The following HERC4 variants were observed in gnomAD, a reference collection of about 807,000 sequenced individuals.
HERC4 encodes the protein probable E3 ubiquitin-protein ligase HERC4.
A neutral mutation model predicts 124.3 loss-of-function variants in HERC4; 28 were observed. The ratio of observed to expected loss-of-function variants is 0.23; its 90% CI spans 0.17 to 0.31. The LOEUF is 0.31. Ranked by LOEUF, HERC4 falls within the 10% of genes least tolerant of loss-of-function variation. HERC4 has a pLI of 1.00. For missense variants in HERC4, 713 were observed against 1,229.3 expected (o/e 0.58, Z 6.28); for synonymous variants, 407 against 421.5 (o/e 0.97, Z 0.42).
Position 67,932,865 on chromosome 10 carries a change from CCTA to C in HERC4, c.2655-88_2655-86del, listed in dbSNP as rs2031972973. 6 of 1,185,040 alleles carry C rather than the reference CCTA, an allele frequency of 5.1e-6. No individual in the cohort carries two copies. The South Asian group carries it at 8.8e-5, about 17-fold the overall frequency. 73.4% of individuals were successfully genotyped at this position (1,185,040 alleles called of 1,614,324 possible). A position where few individuals can be genotyped will look rare whatever the true frequency, so the allele number is the denominator to read the frequency against. ...TGTAGTCATTAAAACTTCAAGTGCT[CCTA>C]CAATTTCTGCTACATATCTACGAAA... On this transcript the variant is annotated intron_variant, in intron 22 of 24. Transcript: ENST00000373700.
At chr10:68,041,788 A>G (rs2039781683) in intron 4 of HERC4, among the ~76,000 whole-genome samples, 1 of 152,232 alleles carries the variant, frequency 6.6e-6, no homozygotes. Flanking sequence ...ACATCTAGCC[A>G]GAAATGCAGG....
intron 3 of HERC4, among the ~76,000 whole-genome samples, chr10:68,063,345 G>A (rs2041131045): frequency 6.6e-6 from 1 of 152,076 alleles, no homozygotes; most frequent in Non-Finnish European, 1.5e-5. Flanking sequence ...GAGTAGCTGA[G>A]ACTACAGGCA....
At chr10:68,039,268 A>ATC in intron 4 of HERC4, 1 of 1,058,132 alleles carries the variant, frequency 9.5e-7, no homozygotes, top group South Asian at 2.3e-5. Flanking sequence ...GTGAGCCAAG[A>ATC]TCACACCATC....
At chr10:67,974,238 G>T (rs894900995) in intron 15 of HERC4, among the ~76,000 whole-genome samples, 4 of 151,832 alleles carry the variant, frequency 2.6e-5, no homozygotes, top group African/African-American at 9.7e-5. Context: ...TTTCCTTAAA[G>T]GAGACAACTA....
At chr10:67,931,762 T>A (rs1003220202) in intron 23 of HERC4, among the ~76,000 whole-genome samples, 11 of 151,736 alleles carry the variant, frequency 7.2e-5, no homozygotes, top group African/African-American at 2.7e-4. Context: ...ACAGATGACA[T>A]TTTTGTTTTC....
chr10:68,046,533 A>C (rs1203005777), intron 3 of HERC4, among the ~76,000 whole-genome samples: 2 of 152,200 alleles, frequency 1.3e-5, no homozygotes, highest in East Asian at 3.8e-4. Flanking sequence ...AGCACTGGAG[A>C]GAGAGAGAGA....
chr10:67,990,799 G>A (rs182239537), intron 13 of HERC4, 105 bp downstream of exon 13: 111 of 607,544 alleles, frequency 1.8e-4, no homozygotes, highest in African/African-American at 1.3e-3. Flanking sequence ...AAAGCACATC[G>A]TAAGAGTCTG....
chr10:68,069,588 GTTA>G, intron 3 of HERC4: 1 of 985,344 alleles, frequency 1.0e-6, no homozygotes, highest in Non-Finnish European at 1.2e-6. Context: ...CCTCCAGTAG[GTTA>G]TTATGAATCT....
Position 68,073,123 on chromosome 10 carries a change from T to C in HERC4, c.-15A>G. 6.2e-7 allele frequency: 1 copy of C among 1,602,482 alleles called. No individual in the cohort carries two copies. The highest frequency in any genetic ancestry group is 2.2e-5 in the East Asian group (1 of 44,700). On this transcript the variant is annotated 5_prime_UTR_variant, in exon 3 of 25. Coordinates refer to ENST00000373700, the MANE Select transcript of HERC4 (RefSeq NM_015601.4). ...CAGCACAACATGCTTGTAATTATTT[T>C]GGTCTTCCAGTTTCAATAAAAAATT... is the stretch of plus-strand genomic sequence containing the variant.
chr10:68,038,671 A>G (rs1379560205), intron 4 of HERC4, among the ~76,000 whole-genome samples: 1 of 152,194 alleles, frequency 6.6e-6, no homozygotes, highest in Non-Finnish European at 1.5e-5. Flanking sequence ...TATGAAACCT[A>G]TTCCTTACAA....
chr10:68,066,117 C>A (rs1379726392), intron 3 of HERC4, among the ~76,000 whole-genome samples: 1 of 152,160 alleles, frequency 6.6e-6, no homozygotes, highest in Admixed American at 6.5e-5. Context: ...CATTTGAGTA[C>A]ACCTCCTCTA....
At chr10:68,069,835 T>G (rs537428482) in intron 3 of HERC4, 214 of 639,576 alleles carry the variant, frequency 3.3e-4, no homozygotes, top group African/African-American at 1.2e-3. Context: ...AAGGTCAGGA[T>G]ATCAAGACCA....
intron 19 of HERC4, among the ~76,000 whole-genome samples, chr10:67,943,555 G>A (rs563503305): frequency 2.3e-4 from 35 of 152,292 alleles, no homozygotes; most frequent in African/African-American, 5.8e-4. Flanking sequence ...TCTAAAAGGC[G>A]GAGGTATTAG....
chr10:67,996,822 AT>A (rs777411422), intron 9 of HERC4, among the ~76,000 whole-genome samples: 1 of 151,852 alleles, frequency 6.6e-6, no homozygotes, highest in Non-Finnish European at 1.5e-5. Context: ...AAATAAAAAA[AT>A]AAAATAAAAT....
At chr10:68,034,765 A>G (rs918638372) in intron 5 of HERC4, among the ~76,000 whole-genome samples, 7 of 152,020 alleles carry the variant, frequency 4.6e-5, no homozygotes, top group Non-Finnish European at 8.8e-5. Context: ...TAACATCCTA[A>G]GTGACTCAGT....
Position 68,024,555 on chromosome 10 carries a change from T to C in HERC4, c.908+991A>G, listed in dbSNP as rs866076573. On this transcript the variant is annotated intron_variant, in intron 8 of 24. Coordinates refer to ENST00000373700, the MANE Select transcript of HERC4 (RefSeq NM_015601.4). Reference sequence around the variant, plus strand: ...ATGTATAAAATTGAATAAAAAACATTAATGAGGCCTAATGATGGAGAACCA... The same window carrying C: ...ATGTATAAAATTGAATAAAAAACATCAATGAGGCCTAATGATGGAGAACCA... Among the ~76,000 whole-genome samples the C allele has an allele frequency of 9.9e-5, 15 of 151,966 alleles. No individual in the cohort carries two copies. In the South Asian group the frequency reaches 1.0e-3, roughly 10 times the overall value.
chr10:67,949,238 C>T (rs1407882341), intron 19 of HERC4, among the ~76,000 whole-genome samples: 3 of 151,404 alleles, frequency 2.0e-5, no homozygotes, highest in Non-Finnish European at 2.9e-5. Flanking sequence ...GAGCTGAGAT[C>T]GTGCCACTGC....
rs144905243 is a variant in HERC4, at chr10:67,949,280, T to C, written c.2337+5315A>G. Among the ~76,000 whole-genome samples the C allele has an allele frequency of 1.3e-4, 19 of 151,792 alleles. No individual in the cohort carries two copies. The East Asian group carries it at 3.5e-3, about 28-fold the overall frequency. ...GCTGGGGTGACAAAGTGAGACTCTG[T>C]CTCAAAAAAAATAAAAAATAAAAAT... On this transcript the variant is annotated intron_variant, in intron 19 of 24. Transcript: ENST00000373700.
In HERC4 at chr10:68,073,105, A is replaced by T. The variant is rs1263224030; in HGVS notation, c.4T>A (p.Leu2Met). M[L>M]CWGNASFGQL... The stretch of plus-strand genomic sequence containing the variant: ...CCAAAGGATGCATTTCCCCAGCACA[A>T]CATGCTTGTAATTATTTTGGTCTTC... Residue 2 changes from leucine to methionine, a missense_variant, in exon 3 of 25, where the codon TTG becomes ATG. Transcript: ENST00000373700. 1 of 1,608,292 alleles carries T rather than the reference A, an allele frequency of 6.2e-7. No individual in the cohort carries two copies. Among genetic ancestry groups the T allele is most frequent in the African/African-American group, 1.3e-5 (1 of 74,578 alleles).
Sources: allele counts gnomAD v4.1 joint callset (sites outside exome capture counted in the v4.1 genomes callset), GRCh38; gene constraint gnomAD v4.1.1; transcripts MANE v1.5; gene names NCBI Gene and HGNC (gene_info 2026-07-23, HGNC 2026-07-21).